ZNF385D: variants seen among roughly 807,000 people sequenced by gnomAD.
The protein encoded by ZNF385D is zinc finger protein 385D, also known as zinc finger protein 659.
Under a neutral mutation model 35.8 loss-of-function variants are expected in ZNF385D, and 15 were observed. The ratio of observed to expected loss-of-function variants is 0.42; its 90% CI spans 0.28 to 0.64. The LOEUF is 0.64. Among genes scored for constraint, ZNF385D ranks in the 30% least tolerant of loss-of-function variants. The probability of loss-of-function intolerance (pLI) is 0.23; values close to 1 mark genes in which losing one functional copy is unlikely to be tolerated. For missense variants in ZNF385D, 474 were observed against 494.6 expected, an observed-to-expected ratio of 0.96 and a Z score of 0.39; for synonymous variants, 212 against 186.8, an observed-to-expected ratio of 1.13 and a Z score of -1.10.
At chr3:21,593,496 AAG>A (rs927417345) in intron 2 of ZNF385D, among the ~76,000 whole-genome samples, 3 of 152,156 alleles carry the variant, frequency 2.0e-5, no homozygotes, top group Admixed American at 6.5e-5. Flanking sequence ...GAGTTTTAAA[AAG>A]AGAAGGCTGA....
At chr3:22,131,706 C>T (rs931912896) in intron 3 of ZNF385D, among the ~76,000 whole-genome samples, 1 of 152,100 alleles carries the variant, frequency 6.6e-6, no homozygotes, top group African/African-American at 2.4e-5. Flanking sequence ...ATCCAGGCAG[C>T]TAGGGAGATA....
intron 2 of ZNF385D, among the ~76,000 whole-genome samples, chr3:22,256,945 CAGGTT>C (rs1200409944): frequency 6.6e-6 from 1 of 151,690 alleles, no homozygotes; most frequent in Non-Finnish European, 1.5e-5. Context: ...AAATTTTTTT[CAGGTT>C]AAGGAAGACT....
intron 2 of ZNF385D, among the ~76,000 whole-genome samples, chr3:22,182,525 T>C (rs2125781336): frequency 6.6e-6 from 1 of 152,086 alleles, no homozygotes; most frequent in South Asian, 2.1e-4. Flanking sequence ...GATCCACAAA[T>C]TACTCAGATT....
chr3:21,613,627 GTTTA>G (rs1559460214), intron 2 of ZNF385D, among the ~76,000 whole-genome samples: 7 of 152,098 alleles, frequency 4.6e-5, no homozygotes, highest in African/African-American at 7.2e-5. Flanking sequence ...ATAAACCTCT[GTTTA>G]TTTATTAATT....
intron 2 of ZNF385D, among the ~76,000 whole-genome samples, chr3:22,208,796 T>C (rs114630765): frequency 1.0e-3 from 156 of 151,988 alleles, no homozygotes; most frequent in African/African-American, 3.7e-3. Flanking sequence ...TGATGAGGCA[T>C]TGTCAGCAGT....
chr3:21,977,455 G>C (rs1703703783), intron 3 of ZNF385D, among the ~76,000 whole-genome samples: 1 of 152,056 alleles, frequency 6.6e-6, no homozygotes. Flanking sequence ...AATTAATCAA[G>C]GGAGAGAAGT....
intron 2 of ZNF385D, among the ~76,000 whole-genome samples, chr3:22,363,599 T>G (rs185353707): frequency 5.3e-5 from 8 of 152,258 alleles, no homozygotes; most frequent in Admixed American, 3.9e-4. Context: ...CAAGAATGGT[T>G]TTTTATCTGG....
chr3:22,165,707 C>T (rs2125750467), intron 3 of ZNF385D, among the ~76,000 whole-genome samples: 1 of 152,230 alleles, frequency 6.6e-6, no homozygotes, highest in African/African-American at 2.4e-5. Context: ...TAGTTTCCAG[C>T]AAATATTACT....
At chr3:21,964,252 T>G (rs1702753436) in intron 3 of ZNF385D, among the ~76,000 whole-genome samples, 1 of 151,668 alleles carries the variant, frequency 6.6e-6, no homozygotes, top group Non-Finnish European at 1.5e-5. Flanking sequence ...GTCTCCTTCA[T>G]TCGCTAAAAA....
chr3:21,573,632 A>G (rs1057061976), intron 2 of ZNF385D, among the ~76,000 whole-genome samples: 9 of 152,238 alleles, frequency 5.9e-5, no homozygotes, highest in African/African-American at 2.2e-4. Flanking sequence ...CTCATTAAAT[A>G]TTTATAAGCA....
intron 3 of ZNF385D, among the ~76,000 whole-genome samples, chr3:22,119,111 G>T (rs1341623290): frequency 6.6e-6 from 1 of 152,126 alleles, no homozygotes; most frequent in Non-Finnish European, 1.5e-5. Flanking sequence ...AAAGCCCAGG[G>T]ATAGGACGTC....
intron 2 of ZNF385D, among the ~76,000 whole-genome samples, chr3:22,191,609 C>A (rs974668858): frequency 2.0e-5 from 3 of 151,826 alleles, no homozygotes; most frequent in African/African-American, 7.3e-5. Flanking sequence ...TATGAACATT[C>A]TGTTCTTACT....
intron 2 of ZNF385D, among the ~76,000 whole-genome samples, chr3:21,588,589 GGATA>G (rs1443643435): frequency 6.6e-6 from 1 of 151,946 alleles, no homozygotes; most frequent in East Asian, 1.9e-4. Context: ...GTACATTTAT[GGATA>G]GAAACATTAA....
At chr3:21,933,570 G>A (rs998653010) in intron 3 of ZNF385D, among the ~76,000 whole-genome samples, 1 of 152,162 alleles carries the variant, frequency 6.6e-6, no homozygotes, top group Non-Finnish European at 1.5e-5. Flanking sequence ...GGCCTAACAT[G>A]ATGGCATTTA....
chr3:21,467,665 G>C (rs1559319479), intron 4 of ZNF385D, among the ~76,000 whole-genome samples: 1 of 152,036 alleles, frequency 6.6e-6, no homozygotes, highest in Non-Finnish European at 1.5e-5. Context: ...TCCTGATTCT[G>C]TCCCATCAAA....
chr3:21,743,249 C>T (rs17562245), intron 1 of ZNF385D, among the ~76,000 whole-genome samples: 45,718 of 152,030 alleles, frequency 0.3, 7,329 homozygotes, highest in Middle Eastern at 0.44. Context: ...TCAAAGAGAT[C>T]GTAGCACAGC....
At chr3:22,197,679 G>A (rs1216402930) in intron 2 of ZNF385D, among the ~76,000 whole-genome samples, 2 of 152,074 alleles carry the variant, frequency 1.3e-5, no homozygotes, top group Non-Finnish European at 2.9e-5. Context: ...CACTCCTGTT[G>A]TATGAGTCAG....
chr3:22,157,907 G>A (rs1464756875), intron 3 of ZNF385D, among the ~76,000 whole-genome samples: 1 of 152,106 alleles, frequency 6.6e-6, no homozygotes, highest in Non-Finnish European at 1.5e-5. Flanking sequence ...CACACAAAGT[G>A]CCAACCTTAA....
rs1002779622 is a variant in ZNF385D at position 21,413,228 on chromosome 3, A to T, written c.*7986T>A. On this transcript the variant is annotated 3_prime_UTR_variant, in exon 8 of 8. Transcript: ENST00000281523. ...ACTCTGATGAAAGGTTTATTCAGTAAGATTTGACGAGATGTAAAAAGCAAA... is the reference window on the plus strand; with the variant it reads ...ACTCTGATGAAAGGTTTATTCAGTATGATTTGACGAGATGTAAAAAGCAAA... 10 of 152,066 alleles carry T rather than the reference A, an allele frequency of 6.6e-5. No homozygotes were observed. The highest frequency in any genetic ancestry group is 1.3e-4 in the Non-Finnish European group (9 of 67,972). 9.4% of individuals were successfully genotyped at this position (152,066 alleles called of 1,614,324 possible).
Sources: gnomAD v4.1 joint callset for allele counts (sites outside exome capture counted in the v4.1 genomes callset) on GRCh38, gnomAD v4.1.1 for gene constraint, MANE v1.5 for transcripts, NCBI Gene and HGNC (gene_info 2026-07-23, HGNC 2026-07-21) for gene names.